WDR47: variants seen among roughly 807,000 people sequenced by gnomAD.
WDR47 encodes the protein WD repeat-containing protein 47.
In WDR47, 32 loss-of-function variants were observed where a neutral mutation model predicts 97.2. The ratio of observed to expected loss-of-function variants is 0.33; its 90% CI spans 0.25 to 0.44. The LOEUF (loss-of-function observed/expected upper bound fraction) is 0.44, where lower values mean the gene tolerates loss of function less well. Among genes scored for constraint, WDR47 ranks in the 20% least tolerant of loss-of-function variants. The pLI is 1.00. For missense variants in WDR47, 782 were observed against 1,102.3 expected (o/e 0.71, Z 4.11); for synonymous variants, 375 against 373.5 (o/e 1.00, Z -0.05).
At chr1:108,989,454 T>C (rs915871658) in intron 9 of WDR47, among the ~76,000 whole-genome samples, 8 of 152,252 alleles carry the variant, frequency 5.3e-5, no homozygotes, top group African/African-American at 1.9e-4. Context: ...GTATGTCCTA[T>C]GTAAGTGAAT....
chr1:108,976,681 G>A (rs1014843417), intron 13 of WDR47, among the ~76,000 whole-genome samples: 12 of 152,116 alleles, frequency 7.9e-5, no homozygotes, highest in African/African-American at 2.7e-4. Context: ...TAATGGCGAG[G>A]TCCCAATTAG....
At chr1:109,024,428 G>A (rs1216539018) in intron 1 of WDR47, among the ~76,000 whole-genome samples, 1 of 151,686 alleles carries the variant, frequency 6.6e-6, no homozygotes, top group Non-Finnish European at 1.5e-5. Context: ...ACTACAGCCT[G>A]AGCAACAGAA....
chr1:108,975,508 C>A (rs987294151), intron 13 of WDR47, among the ~76,000 whole-genome samples: 3 of 151,610 alleles, frequency 2.0e-5, no homozygotes, highest in Non-Finnish European at 4.4e-5. Flanking sequence ...GTAATCCCAG[C>A]TACTCACGAT....
At position 108,999,803 on chromosome 1, in the gene WDR47, A is replaced by C. The variant is rs2101894837; in HGVS notation, c.1433+2421T>G. On this transcript the variant is annotated intron_variant, in intron 7 of 14. Transcript: ENST00000369962. Reference sequence around the variant, plus strand: ...CTAACCACTATTGGGGAGGAGGGTCACAGAACTTTGCCATTTCATCTTCTC... The same window carrying C: ...CTAACCACTATTGGGGAGGAGGGTCCCAGAACTTTGCCATTTCATCTTCTC... 2.0e-5 allele frequency among the ~76,000 whole-genome samples: 3 copies of C among 152,322 alleles called. No homozygotes were observed. The Middle Eastern group carries it at 0.01, about 518-fold the overall frequency.
At chr1:108,990,773 G>A (rs1263820631) in intron 9 of WDR47, among the ~76,000 whole-genome samples, 1 of 151,996 alleles carries the variant, frequency 6.6e-6, no homozygotes, top group East Asian at 1.9e-4. Flanking sequence ...GTACCGATGA[G>A]AAGCCCAAAG....
intron 5 of WDR47, among the ~76,000 whole-genome samples, chr1:109,009,315 A>G (rs1660864083): frequency 6.6e-6 from 1 of 152,234 alleles, no homozygotes; most frequent in Non-Finnish European, 1.5e-5. Context: ...AATGAGGCAG[A>G]AAGTTTCCTA....
Position 109,011,200 on chromosome 1 carries a change from A to T in WDR47, c.846T>A (p.Asp282Glu). 2.5e-6 allele frequency: 4 copies of T among 1,614,144 alleles called. No homozygotes were observed. The highest frequency in any genetic ancestry group is 3.4e-6 in the Non-Finnish European group (4 of 1,180,034). ...LLKPTKAAYADLLTPLISKLS... is the reference protein window; with the variant it reads ...LLKPTKAAYAELLTPLISKLS... Reference sequence around the variant, plus strand: ...GTTTGCTGATAAGAGGAGTCAAAAGATCAGCATATGCAGCTTTTGTAGGTT... The same window carrying T: ...GTTTGCTGATAAGAGGAGTCAAAAGTTCAGCATATGCAGCTTTTGTAGGTT... The change falls in exon 5 of 15, where the codon GAT becomes GAA. Residue 282 changes from aspartate (D) to glutamate (E), a missense_variant. By Grantham distance (45) the Asp-to-Glu change is conservative (BLOSUM62 2). Coordinates refer to ENST00000369962, the MANE Select transcript of WDR47 (RefSeq NM_001142551.2).
At chr1:108,983,865 T>C (rs1448838919) in intron 10 of WDR47, among the ~76,000 whole-genome samples, 1 of 152,120 alleles carries the variant, frequency 6.6e-6, no homozygotes, top group Non-Finnish European at 1.5e-5. Context: ...ATGTGAGCAA[T>C]GTGCAAGAGT....
chr1:108,984,986 C>CA (rs1658664505), intron 10 of WDR47, among the ~76,000 whole-genome samples: 1 of 152,210 alleles, frequency 6.6e-6, no homozygotes, highest in African/African-American at 2.4e-5. Context: ...CGATTCCTTC[C>CA]TTAAATGGAT....
chr1:108,982,477 A>T, intron 12 of WDR47, 132 bp downstream of exon 12: 1 of 1,070,966 alleles, frequency 9.3e-7, no homozygotes, highest in African/African-American at 1.6e-5. Context: ...GGCCGCAGTG[A>T]GCTGTGATTG....
intron 10 of WDR47, among the ~76,000 whole-genome samples, chr1:108,985,561 TC>T (rs1658725174): frequency 6.6e-6 from 1 of 152,224 alleles, no homozygotes; most frequent in African/African-American, 2.4e-5. Context: ...AACAAGAAGT[TC>T]CATGAAGCCA....
chr1:109,011,322 G>T lies in WDR47; in HGVS notation c.724C>A (p.Leu242Met). The T allele has an allele frequency of 6.2e-7, 1 of 1,614,192 alleles. No homozygotes were observed. The change falls in exon 5 of 15, where the codon CTG (leucine) becomes ATG (methionine). Residue 242 changes from leucine (L) to methionine (M), a missense_variant. Physicochemically the swap from Leu to Met is conservative, Grantham distance 15. Transcript: ENST00000369962. ...TTCTGAAGCCATGACAGTAAACTCA[G>T]ATCCAAATCATCACAACCATTACCA... The part of the protein sequence containing the change: ...LCGNGCDDLD[L>M]SLLSWLQNLP...
chr1:109,038,398 G>A (rs1040376990), intron 1 of WDR47, among the ~76,000 whole-genome samples: 1 of 152,172 alleles, frequency 6.6e-6, no homozygotes, highest in African/African-American at 2.4e-5. Flanking sequence ...AAAATATCGA[G>A]CCAGGTGCAG....
intron 7 of WDR47, among the ~76,000 whole-genome samples, chr1:108,996,396 G>GA (rs1026237081): frequency 3.3e-5 from 5 of 151,906 alleles, no homozygotes; most frequent in East Asian, 1.9e-4. Flanking sequence ...AATAAAAACA[G>GA]AAAAAAAATT....
chr1:109,000,221 A>C (rs1046041779), intron 7 of WDR47, among the ~76,000 whole-genome samples: 1 of 151,978 alleles, frequency 6.6e-6, no homozygotes. Flanking sequence ...CCATTTAAAA[A>C]ACAAAAAGGG....
intron 12 of WDR47, 70 bp from the exon 13 acceptor site, chr1:108,981,934 A>T: frequency 4.6e-6 from 7 of 1,518,574 alleles, no homozygotes; most frequent in Non-Finnish European, 6.2e-6. Context: ...AAAGCTAAGC[A>T]CTCTAGAGTT....
At chr1:109,026,896 T>C (rs1459913691) in intron 1 of WDR47, among the ~76,000 whole-genome samples, 2 of 152,124 alleles carry the variant, frequency 1.3e-5, no homozygotes, top group Non-Finnish European at 2.9e-5. Context: ...TTCTTACAAA[T>C]ACATATTTTA....
intron 8 of WDR47, among the ~76,000 whole-genome samples, chr1:108,993,468 A>G (rs1199827002): frequency 6.6e-6 from 1 of 151,428 alleles, no homozygotes; most frequent in Admixed American, 6.5e-5. Flanking sequence ...CTATACTAAC[A>G]AAAAAGGTGA....
chr1:108,983,222 T>G, intron 11 of WDR47, 60 bp downstream of exon 11: 14 of 1,411,170 alleles, frequency 9.9e-6, no homozygotes, highest in Middle Eastern at 1.9e-4. Context: ...AAATACAACA[T>G]GGAGAAAACA....
Sources: allele counts gnomAD v4.1 joint callset (sites outside exome capture counted in the v4.1 genomes callset), GRCh38; gene constraint gnomAD v4.1.1; transcripts MANE v1.5; gene names NCBI Gene and HGNC (gene_info 2026-07-23, HGNC 2026-07-21).